Variants in RNF217 observed in about 807,000 individuals in gnomAD.
RNF217 encodes the protein E3 ubiquitin-protein ligase RNF217.
A neutral mutation model predicts 57.8 loss-of-function variants in RNF217; 31 were observed. That is an observed-to-expected ratio of 0.54 (90% CI 0.40 to 0.72). The LOEUF is 0.72. Among genes scored for constraint, RNF217 ranks in the 30% least tolerant of loss-of-function variants. The pLI is 0.00. For missense variants in RNF217, 696 were observed against 708.3 expected (o/e 0.98, Z 0.20); for synonymous variants, 313 against 294.0 (o/e 1.06, Z -0.66).
chr6:124,997,576 A>G (rs1784800960), intron 1 of RNF217, among the ~76,000 whole-genome samples: 1 of 152,198 alleles, frequency 6.6e-6, no homozygotes, highest in Admixed American at 6.5e-5. Flanking sequence ...GTGGAAAGTG[A>G]CAGGGGTCTT....
intron 1 of RNF217, among the ~76,000 whole-genome samples, chr6:125,034,517 A>G (rs1232841996): frequency 2.0e-5 from 3 of 151,990 alleles, no homozygotes; most frequent in Non-Finnish European, 4.4e-5. Context: ...GATATGCGAC[A>G]TTATTTCTGA....
intron 1 of RNF217, among the ~76,000 whole-genome samples, chr6:125,042,814 T>C (rs904083926): frequency 6.6e-6 from 1 of 152,012 alleles, no homozygotes; most frequent in African/African-American, 2.4e-5. Context: ...GCTGCTTCCA[T>C]TGCTATCATT....
Position 124,967,903 on chromosome 6 carries a change from T to C in RNF217, c.882+4477T>C, listed in dbSNP as rs190694759. 2.3e-3 allele frequency among the ~76,000 whole-genome samples: 354 copies of C among 152,200 alleles called. 2 individuals carry two copies. The highest frequency in any genetic ancestry group is 8.0e-3 in the African/African-American group (331 of 41,532). ...AAGCGATTCTCCTGCTTCAGCCTCC[T>C]GAGTAGCTGGGATTACAGGTGCATG... On this transcript the variant is annotated intron_variant, in intron 1 of 5. Coordinates refer to ENST00000521654, the MANE Select transcript of RNF217 (RefSeq NM_001286398.3).
At chr6:125,082,772 G>C in intron 5 of RNF217, 92 bp from the exon 6 acceptor site, 1 of 1,133,908 alleles carries the variant, frequency 8.8e-7, no homozygotes, top group South Asian at 1.3e-5. Context: ...TTGTATGTTC[G>C]TACACTGCAA....
intron 1 of RNF217, among the ~76,000 whole-genome samples, chr6:124,972,101 T>G (rs989600519): frequency 1.3e-5 from 2 of 152,182 alleles, no homozygotes; most frequent in African/African-American, 4.8e-5. Flanking sequence ...TTCCTCCCCT[T>G]GTTTGCCACA....
chr6:125,040,998 A>T (rs996618409), intron 1 of RNF217, among the ~76,000 whole-genome samples: 1 of 152,054 alleles, frequency 6.6e-6, no homozygotes, highest in Non-Finnish European at 1.5e-5. Flanking sequence ...TACTGAATGG[A>T]CAAAAGCTGG....
intron 3 of RNF217, among the ~76,000 whole-genome samples, chr6:125,067,701 G>T (rs554387044): frequency 3.3e-5 from 5 of 152,170 alleles, no homozygotes; most frequent in Non-Finnish European, 5.9e-5. Context: ...TGGCTGTGAG[G>T]GATATAGGTA....
At position 125,084,631 on chromosome 6, in the gene RNF217, G is replaced by A. The variant is rs1788717046; in HGVS notation, c.*1694G>A. 6.6e-6 allele frequency: 1 copy of A among 151,954 alleles called. No homozygotes were observed. Among genetic ancestry groups the A allele is most frequent in the Non-Finnish European group, 1.5e-5 (1 of 67,892 alleles). 9.4% of individuals were successfully genotyped at this position (151,954 alleles called of 1,614,324 possible). A position where few individuals can be genotyped will look rare whatever the true frequency, so the allele number is the denominator to read the frequency against. ...CATAAAAAGTGAAGTTGACTTGCGT[G>A]AATAACAATCCAGCATGCTTTCATT... On this transcript the variant is annotated 3_prime_UTR_variant, in exon 6 of 6. Transcript: ENST00000521654.
chr6:125,066,418 C>T (rs1787940057), intron 3 of RNF217, among the ~76,000 whole-genome samples: 1 of 152,170 alleles, frequency 6.6e-6, no homozygotes, highest in Non-Finnish European at 1.5e-5. Context: ...CACCCTGCTA[C>T]AGTCAAATTT....
Position 125,070,387 on chromosome 6 carries a change from G to A in RNF217, c.1282-6270G>A, listed in dbSNP as rs145235175. Among the ~76,000 whole-genome samples the A allele has an allele frequency of 1.9e-3, 289 of 152,298 alleles. 2 individuals are homozygous for A. Among genetic ancestry groups the A allele is most frequent in the South Asian group, 0.012 (60 of 4,828 alleles). ...TAGATATTCAGCAGCAGGATTGCTG[G>A]ATCAAATGATAGCTTTACTTTTAGT... On this transcript the variant is annotated intron_variant, in intron 3 of 5. Coordinates refer to ENST00000521654, the MANE Select transcript of RNF217 (RefSeq NM_001286398.3).
In RNF217 at chr6:124,968,958, A is replaced by C. The variant is rs369485883; in HGVS notation, c.882+5532A>C. Among the ~76,000 whole-genome samples, 3 of 152,348 alleles carry C rather than the reference A, an allele frequency of 2.0e-5. No individual in the cohort carries two copies. The East Asian group carries it at 5.8e-4, about 29-fold the overall frequency. On this transcript the variant is annotated intron_variant, in intron 1 of 5. Transcript: ENST00000521654. ...TGATAAGCACCATGAGATACTCTAT[A>C]AATGTATTAAATGTCCTAAAGGAAC...
intron 1 of RNF217, among the ~76,000 whole-genome samples, chr6:125,004,049 A>G (rs1431361215): frequency 1.1e-5 from 1 of 90,118 alleles, no homozygotes; most frequent in Non-Finnish European, 2.5e-5. Flanking sequence ...ATCTTTCTTT[A>G]AATGAGGGGT....
chr6:125,048,373 C>T, intron 2 of RNF217: 2 of 789,242 alleles, frequency 2.5e-6, no homozygotes, highest in South Asian at 1.5e-5. Context: ...TTCAAGTACT[C>T]ACACACAATA....
At chr6:125,015,158 T>C (rs1230037681) in intron 1 of RNF217, among the ~76,000 whole-genome samples, 1 of 152,134 alleles carries the variant, frequency 6.6e-6, no homozygotes, top group East Asian at 1.9e-4. Flanking sequence ...TCACCTAAAA[T>C]AGTTGATATT....
At chr6:125,040,480 A>G (rs1786835037) in intron 1 of RNF217, among the ~76,000 whole-genome samples, 1 of 152,228 alleles carries the variant, frequency 6.6e-6, no homozygotes, top group African/African-American at 2.4e-5. Flanking sequence ...GCCCAGGACC[A>G]GATGGATTCA....
intron 1 of RNF217, among the ~76,000 whole-genome samples, chr6:125,029,141 C>T (rs370944829): frequency 6.6e-6 from 1 of 152,008 alleles, no homozygotes; most frequent in African/African-American, 2.4e-5. Context: ...ACAAACTTTG[C>T]AGTAAGAGTT....
intron 1 of RNF217, among the ~76,000 whole-genome samples, chr6:124,992,123 T>C (rs1784583151): frequency 6.6e-6 from 1 of 152,176 alleles, no homozygotes; most frequent in South Asian, 2.1e-4. Context: ...TCAAACAAGC[T>C]ACAAAGTAAT....
intron 1 of RNF217, among the ~76,000 whole-genome samples, chr6:125,038,071 T>A (rs1383815185): frequency 6.6e-6 from 1 of 152,180 alleles, no homozygotes; most frequent in Admixed American, 6.6e-5. Context: ...TTCTCCCAGG[T>A]GGCAAATTAG....
intron 2 of RNF217, among the ~76,000 whole-genome samples, chr6:125,048,581 C>G (rs1787185323): frequency 6.6e-6 from 1 of 151,934 alleles, no homozygotes; most frequent in African/African-American, 2.4e-5. Flanking sequence ...AGATGTCATT[C>G]TTTGAACATT....
Sources: allele counts gnomAD v4.1 joint callset (sites outside exome capture counted in the v4.1 genomes callset), GRCh38; gene constraint gnomAD v4.1.1; transcripts MANE v1.5; gene names NCBI Gene and HGNC (gene_info 2026-07-23, HGNC 2026-07-21).